The following DOCK3 variants were observed in gnomAD, a reference collection of about 807,000 sequenced individuals.
DOCK3 encodes dedicator of cytokinesis 3.
Under a neutral mutation model 265.6 loss-of-function variants are expected in DOCK3, and 60 were observed. The observed-to-expected ratio is 0.23, with a 90% confidence interval of 0.18 to 0.28. DOCK3 has a LOEUF of 0.28. Ranked by LOEUF, DOCK3 falls within the 10% of genes least tolerant of loss-of-function variation. The pLI is 1.00. For synonymous variants in DOCK3, 881 were observed against 938.0 expected (o/e 0.94, Z 1.11); for missense variants, 1,981 against 2,594.3 (o/e 0.76, Z 5.14).
chr3:51,260,358 G>T, intron 23 of DOCK3, 32 bp downstream of exon 23: 2 of 1,564,084 alleles, frequency 1.3e-6, no homozygotes, highest in Non-Finnish European at 1.7e-6. Flanking sequence ...TTTGATGCTG[G>T]GTTCCTCTTT....
Position 51,361,148 on chromosome 3 carries a change from A to T in DOCK3, c.5006+516A>T, listed in dbSNP as rs1276740463. Among the ~76,000 whole-genome samples, 2 of 152,240 alleles carry T rather than the reference A, an allele frequency of 1.3e-5. No homozygotes were observed. Among genetic ancestry groups the T allele is most frequent in the South Asian group, 2.1e-4 (1 of 4,834 alleles). ...GAAGAAACAGCATAGTGATGTGAAC[A>T]TCAAAGACTGGTTTGCCTGGGCTCA... On this transcript the variant is annotated intron_variant, in intron 47 of 52. Coordinates refer to ENST00000266037, the MANE Select transcript of DOCK3 (RefSeq NM_004947.5). This position sits in a 1 kb window ranked among gnomAD's most constrained non-coding sequence, Gnocchi z 4.2.
intron 4 of DOCK3, among the ~76,000 whole-genome samples, chr3:50,916,800 T>C (rs1194785635): frequency 1.3e-5 from 2 of 150,208 alleles, no homozygotes; most frequent in African/African-American, 4.9e-5. Context: ...CAGAGTGAGA[T>C]TGTGCCATTG....
chr3:51,308,751 G>C (rs1050740523), intron 27 of DOCK3, among the ~76,000 whole-genome samples: 5 of 152,168 alleles, frequency 3.3e-5, no homozygotes, highest in African/African-American at 1.2e-4. Flanking sequence ...CCCAGACGGG[G>C]TGGTGGCCGG....
chr3:51,239,199 T>TTTATTTATTTA (rs112142556), intron 21 of DOCK3, among the ~76,000 whole-genome samples: 3 of 146,616 alleles, frequency 2.0e-5, no homozygotes, highest in Non-Finnish European at 3.0e-5. Context: ...AAAGCGTACT[T>TTTATTTATTTA]TTTATTTATT....
chr3:50,882,125 T>A (rs2048073374), intron 3 of DOCK3, among the ~76,000 whole-genome samples: 1 of 152,152 alleles, frequency 6.6e-6, no homozygotes, highest in South Asian at 2.1e-4. Context: ...TCAAGATGGA[T>A]TGAAGACTTA....
chr3:51,080,650 G>A (rs2082200118), intron 7 of DOCK3, among the ~76,000 whole-genome samples: 1 of 152,098 alleles, frequency 6.6e-6, no homozygotes, highest in African/African-American at 2.4e-5. Context: ...ACTTATTATT[G>A]TCAACAGGGA....
At chr3:51,090,573 G>C (rs532254685) in intron 9 of DOCK3, among the ~76,000 whole-genome samples, 189 bp downstream of exon 9, 8 of 152,160 alleles carry the variant, frequency 5.3e-5, no homozygotes, top group Non-Finnish European at 1.0e-4. Context: ...TACCATGGGT[G>C]GCTGCCTTTT....
intron 22 of DOCK3, among the ~76,000 whole-genome samples, chr3:51,252,462 A>G (rs1227592530): frequency 6.6e-6 from 1 of 152,170 alleles, no homozygotes; most frequent in Non-Finnish European, 1.5e-5. Context: ...CAGTATGGCC[A>G]TTTTCACAGT....
chr3:50,954,633 GA>G (rs1182376940), intron 5 of DOCK3, among the ~76,000 whole-genome samples: 1 of 151,996 alleles, frequency 6.6e-6, no homozygotes, highest in African/African-American at 2.4e-5. Flanking sequence ...ATTTTCTTTG[GA>G]AAAATGCCTG....
chr3:50,838,091 C>T (rs2045615711), intron 2 of DOCK3, among the ~76,000 whole-genome samples: 1 of 152,184 alleles, frequency 6.6e-6, no homozygotes. Flanking sequence ...ATAATTCTTT[C>T]ATTTCCATTC....
intron 10 of DOCK3, among the ~76,000 whole-genome samples, chr3:51,156,135 A>G (rs1327222896): frequency 6.6e-6 from 1 of 152,214 alleles, no homozygotes; most frequent in African/African-American, 2.4e-5. Context: ...ATTTTCTGCA[A>G]CTTACGTATG....
At chr3:51,186,514 A>G (rs567518181) in intron 12 of DOCK3, among the ~76,000 whole-genome samples, 2 of 152,378 alleles carry the variant, frequency 1.3e-5, no homozygotes, top group African/African-American at 4.8e-5. Flanking sequence ...ATAAATTTGC[A>G]TAAGTAATGA....
chr3:50,835,444 G>A (rs978303311), intron 2 of DOCK3, among the ~76,000 whole-genome samples: 2 of 152,158 alleles, frequency 1.3e-5, no homozygotes, highest in Non-Finnish European at 1.5e-5. Context: ...ACTTCCATTC[G>A]AGAGCACCTG....
chr3:50,930,473 A>G (rs7429494), intron 4 of DOCK3, among the ~76,000 whole-genome samples: 138,559 of 152,226 alleles, frequency 0.91, 63,193 homozygotes, highest in East Asian at 1. Context: ...GCCCAAAACG[A>G]TGGGGCTGCT....
chr3:51,144,310 C>A (rs891729841), intron 9 of DOCK3, among the ~76,000 whole-genome samples: 4 of 152,284 alleles, frequency 2.6e-5, no homozygotes, highest in Admixed American at 2.6e-4. Flanking sequence ...TCTTTCTCTA[C>A]CATTTCATTA....
intron 9 of DOCK3, among the ~76,000 whole-genome samples, chr3:51,127,157 T>G (rs2084301988): frequency 6.6e-6 from 1 of 152,162 alleles, no homozygotes; most frequent in Non-Finnish European, 1.5e-5. Context: ...CTTTTCACAT[T>G]TTCTTGCTTG....
chr3:50,705,289 G>T (rs904236663), intron 1 of DOCK3, among the ~76,000 whole-genome samples: 1 of 152,044 alleles, frequency 6.6e-6, no homozygotes, highest in African/African-American at 2.4e-5. Context: ...TAATCCCCAC[G>T]TGTTGAGGGA....
At chr3:51,265,439 C>T (rs1002819430) in intron 23 of DOCK3, among the ~76,000 whole-genome samples, 8 of 152,086 alleles carry the variant, frequency 5.3e-5, no homozygotes, top group South Asian at 2.1e-4. Context: ...AACATTGATG[C>T]GAAAATCCTC....
intron 1 of DOCK3, among the ~76,000 whole-genome samples, chr3:50,692,439 A>G (rs1047288016): frequency 8.5e-5 from 13 of 152,164 alleles, no homozygotes; most frequent in Non-Finnish European, 1.5e-4. Flanking sequence ...CACAGTTCAC[A>G]ATAGGGTTCA....
Sources: allele counts gnomAD v4.1 joint callset (sites outside exome capture counted in the v4.1 genomes callset), GRCh38; gene constraint gnomAD v4.1.1; non-coding constraint Gnocchi (gnomAD v3.1); transcripts MANE v1.5; gene names NCBI Gene and HGNC (gene_info 2026-07-23, HGNC 2026-07-21).